The following CATSPERB variants were observed in gnomAD, a reference collection of about 807,000 sequenced individuals.
The protein encoded by CATSPERB is catsper channel auxiliary subunit beta.
In CATSPERB, 93 loss-of-function variants were observed where a neutral mutation model predicts 128.3. That is an observed-to-expected ratio of 0.72 (90% confidence interval 0.61 to 0.86). CATSPERB has a LOEUF of 0.86. Ranked by LOEUF, CATSPERB falls within the 40% of genes least tolerant of loss-of-function variation. The pLI is 0.00. For missense variants in CATSPERB, 1,153 were observed against 1,329.5 expected (o/e 0.87, Z 2.06); for synonymous variants, 381 against 448.8 (o/e 0.85, Z 1.91).
At chr14:91,638,064 C>T (rs1595158419) in intron 16 of CATSPERB, among the ~76,000 whole-genome samples, 2 of 152,162 alleles carry the variant, frequency 1.3e-5, no homozygotes, top group African/African-American at 4.8e-5. Flanking sequence ...AAACACCATC[C>T]TCTCAACTGC....
At chr14:91,681,239 T>TG (rs955805795) in intron 11 of CATSPERB, among the ~76,000 whole-genome samples, 4 of 152,114 alleles carry the variant, frequency 2.6e-5, no homozygotes, top group Admixed American at 2.6e-4. Flanking sequence ...CTTATTGATA[T>TG]GGGGGGCTAT....
chr14:91,603,380 A>G (rs1396414266), intron 22 of CATSPERB: 1 of 1,609,868 alleles, frequency 6.2e-7, no homozygotes, highest in South Asian at 1.1e-5. Flanking sequence ...TAAATCCAAC[A>G]GCCTCAATAT....
rs118179138 is a variant in CATSPERB, at chr14:91,696,452, T to C, written c.617-2973A>G. ...AGACTGGCTGTTGGAACTGGCAATATGGAAACTGTGAGTGGCCTTGAGAAG... is the reference window on the plus strand; with the variant it reads ...AGACTGGCTGTTGGAACTGGCAATACGGAAACTGTGAGTGGCCTTGAGAAG... On this transcript the variant is annotated intron_variant, in intron 7 of 26. Transcript: ENST00000256343. 8.6e-3 allele frequency among the ~76,000 whole-genome samples: 1,314 copies of C among 152,274 alleles called. 10 individuals carry two copies. The highest frequency in any genetic ancestry group is 0.058 in the Middle Eastern group (17 of 294).
intron 6 of CATSPERB, among the ~76,000 whole-genome samples, 162 bp from the exon 7 acceptor site, chr14:91,704,863 A>G (rs924679921): frequency 2.0e-5 from 3 of 152,220 alleles, no homozygotes; most frequent in Non-Finnish European, 4.4e-5. Context: ...GTCAGTGACT[A>G]TTTTCCAGGA....
chr14:91,641,248 C>T (rs1002592297), intron 15 of CATSPERB, among the ~76,000 whole-genome samples: 4 of 150,216 alleles, frequency 2.7e-5, no homozygotes, highest in African/African-American at 7.4e-5. Flanking sequence ...TAATTAGATC[C>T]CATTTGTCAA....
chr14:91,581,174 T>C, intron 26 of CATSPERB, 67 bp from the exon 27 acceptor site: 17 of 1,285,130 alleles, frequency 1.3e-5, no homozygotes, highest in South Asian at 4.0e-5. Flanking sequence ...GAAAATTTAA[T>C]GTTCCCCACA....
chr14:91,697,537 CTTGAG>C (rs1895584076), intron 7 of CATSPERB, among the ~76,000 whole-genome samples: 2 of 152,174 alleles, frequency 1.3e-5, no homozygotes, highest in South Asian at 4.1e-4. Context: ...TTTACTCCAT[CTTGAG>C]TTAACTTTTG....
At position 91,605,466 on chromosome 14, in the gene CATSPERB, C is replaced by T. The variant is rs1463664643; in HGVS notation, c.2709+2828G>A. The T allele has an allele frequency of 6.8e-6, 3 of 441,184 alleles. No homozygotes were observed. In the Admixed American group the frequency reaches 1.1e-4, roughly 16 times the overall value. 27.3% of individuals were successfully genotyped at this position (441,184 alleles called of 1,614,324 possible). Reference sequence around the variant, plus strand: ...AAGAGGTTGGGATGAAGTGAGTCGCCGCCACAGTAACCATCATGTTACTTT... The same window carrying T: ...AAGAGGTTGGGATGAAGTGAGTCGCTGCCACAGTAACCATCATGTTACTTT... On this transcript the variant is annotated intron_variant, in intron 22 of 26. Transcript: ENST00000256343.
intron 11 of CATSPERB, among the ~76,000 whole-genome samples, chr14:91,679,885 A>G (rs1055940641): frequency 6.6e-6 from 1 of 152,198 alleles, no homozygotes; most frequent in African/African-American, 2.4e-5. Flanking sequence ...AACAGGTGCC[A>G]TTAACTAATC....
At chr14:91,714,577 T>TTTTA (rs1895904358) in intron 5 of CATSPERB, among the ~76,000 whole-genome samples, 1 of 109,436 alleles carries the variant, frequency 9.1e-6, no homozygotes, top group African/African-American at 3.2e-5. Context: ...TTTTTTTTTT[T>TTTTA]GAGATAGAGT....
At chr14:91,663,332 T>C (rs1043302291) in intron 14 of CATSPERB, among the ~76,000 whole-genome samples, 6 of 152,198 alleles carry the variant, frequency 3.9e-5, no homozygotes, top group Non-Finnish European at 5.9e-5. Flanking sequence ...ACCCAAATTA[T>C]AAGTCATTGC....
chr14:91,601,941 A>T (rs1893613649), intron 22 of CATSPERB, among the ~76,000 whole-genome samples: 1 of 152,158 alleles, frequency 6.6e-6, no homozygotes, highest in Non-Finnish European at 1.5e-5. Context: ...GTTCACACAC[A>T]TGCATTCTAC....
intron 14 of CATSPERB, among the ~76,000 whole-genome samples, chr14:91,666,285 G>T (rs1285616): frequency 1.2e-4 from 19 of 152,084 alleles, no homozygotes; most frequent in African/African-American, 4.1e-4. Flanking sequence ...GGCTGCGGGG[G>T]TTCCTTGGAA....
chr14:91,639,480 G>C (rs147390817), intron 15 of CATSPERB, among the ~76,000 whole-genome samples: 1 of 152,162 alleles, frequency 6.6e-6, no homozygotes, highest in Admixed American at 6.5e-5. Flanking sequence ...GAAACAAACA[G>C]AGGGGATGTT....
chr14:91,700,555 A>G (rs905311640), intron 7 of CATSPERB, among the ~76,000 whole-genome samples: 2 of 151,896 alleles, frequency 1.3e-5, no homozygotes, highest in Non-Finnish European at 2.9e-5. Context: ...TTTTTTGTTC[A>G]TAGGTTGTAA....
chr14:91,715,724 A>G (rs1360483040), intron 5 of CATSPERB, among the ~76,000 whole-genome samples: 1 of 152,136 alleles, frequency 6.6e-6, no homozygotes, highest in Non-Finnish European at 1.5e-5. Flanking sequence ...AATTTTGAAA[A>G]AGAAGATCAA....
intron 1 of CATSPERB, among the ~76,000 whole-genome samples, chr14:91,730,517 C>A (rs1896193889): frequency 6.6e-6 from 1 of 152,162 alleles, no homozygotes; most frequent in South Asian, 2.1e-4. Context: ...AAAACTAACA[C>A]AGCATCCATG....
At chr14:91,704,295 G>A (rs945914969) in intron 7 of CATSPERB, among the ~76,000 whole-genome samples, 3 of 152,144 alleles carry the variant, frequency 2.0e-5, no homozygotes, top group Admixed American at 2.0e-4. Context: ...CATATTAATG[G>A]AGGGCATGGG....
chr14:91,604,734 A>C, intron 22 of CATSPERB: 1 of 1,613,860 alleles, frequency 6.2e-7, no homozygotes, highest in Non-Finnish European at 8.5e-7. Flanking sequence ...TGGTTGCTCC[A>C]CATTGGAAAG....
Sources: gnomAD v4.1 joint callset for allele counts (sites outside exome capture counted in the v4.1 genomes callset) on GRCh38, gnomAD v4.1.1 for gene constraint, MANE v1.5 for transcripts, NCBI Gene and HGNC (gene_info 2026-07-23, HGNC 2026-07-21) for gene names.